The following CREB5 variants were observed in gnomAD, a reference collection of about 807,000 sequenced individuals.
The protein encoded by CREB5 is cAMP responsive element binding protein 5, also known as cyclic AMP-responsive element-binding protein 5.
Under a neutral mutation model 57.1 loss-of-function variants are expected in CREB5, and 19 were observed. That is an observed-to-expected ratio of 0.33 (90% confidence interval 0.23 to 0.49). CREB5 has a LOEUF of 0.49. CREB5 is among the 20% of genes least tolerant of loss of function. CREB5 has a pLI of 0.99. For missense variants in CREB5, 579 were observed against 671.6 expected, an observed-to-expected ratio of 0.86 and a Z score of 1.52; for synonymous variants, 238 against 238.3, an observed-to-expected ratio of 1.00 and a Z score of 0.01.
rs912345566 is a variant in CREB5 at position 28,700,317 on chromosome 7, G to A, written c.465-18436G>A. ...GGAACAATTCATATGTCTCCTCTTC[G>A]AGGACCATCCCCTGGAACCCCCGGG... On this transcript the variant is annotated intron_variant, in intron 5 of 10. Coordinates refer to ENST00000357727, the MANE Select transcript of CREB5 (RefSeq NM_182898.4). 7.9e-5 allele frequency among the ~76,000 whole-genome samples: 12 copies of A among 152,090 alleles called. No individual in the cohort carries two copies. The South Asian group carries it at 1.5e-3, about 18-fold the overall frequency.
At chr7:28,500,969 G>A (rs141118190) in intron 3 of CREB5, among the ~76,000 whole-genome samples, 9 of 152,210 alleles carry the variant, frequency 5.9e-5, no homozygotes, top group African/African-American at 1.9e-4. Context: ...GCACCAGAGG[G>A]CAGCATGGTA....
intron 4 of CREB5, among the ~76,000 whole-genome samples, chr7:28,551,983 CTCT>C: frequency 1.0e-5 from 1 of 97,578 alleles, no homozygotes; most frequent in Non-Finnish European, 1.9e-5. Context: ...CTTTCTCTCT[CTCT>C]TTCTCTCTTT....
rs887980342 is a variant in CREB5, at chr7:28,430,311, T to A, written c.3+17394T>A. 6.6e-5 allele frequency among the ~76,000 whole-genome samples: 10 copies of A among 152,184 alleles called. 1 individual carries two copies. The highest frequency in any genetic ancestry group is 1.3e-4 in the Non-Finnish European group (9 of 68,036). ...TGTGTATCAAGCTGAGCATTTACAG[T>A]GCTAAGCGTGGAGCCAGGCACTGGG... On this transcript the variant is annotated intron_variant, in intron 1 of 10. Transcript: ENST00000357727.
chr7:28,546,186 G>A (rs1183521717), intron 4 of CREB5, among the ~76,000 whole-genome samples: 2 of 152,176 alleles, frequency 1.3e-5, no homozygotes, highest in Non-Finnish European at 2.9e-5. Flanking sequence ...GCATAATGTT[G>A]TCAAGGTTCA....
At chr7:28,593,073 G>A (rs1367898948) in intron 5 of CREB5, among the ~76,000 whole-genome samples, 1 of 152,174 alleles carries the variant, frequency 6.6e-6, no homozygotes, top group Non-Finnish European at 1.5e-5. Context: ...TGCAGATAAT[G>A]AGGGCACATG....
At chr7:28,528,559 C>T (rs1171290049) in intron 4 of CREB5, among the ~76,000 whole-genome samples, 1 of 151,934 alleles carries the variant, frequency 6.6e-6, no homozygotes, top group African/African-American at 2.4e-5. Context: ...ACAAAATTAG[C>T]CAAGTGTGGT....
chr7:28,819,305 A>G lies in CREB5; in HGVS notation c.*26A>G. The G allele has an allele frequency of 1.2e-6, 2 of 1,608,326 alleles. No homozygotes were observed. The highest frequency in any genetic ancestry group is 1.7e-6 in the Non-Finnish European group (2 of 1,177,170). ...AATGCACCATCAGACCTGGCCTCCA[A>G]GAAGAGCTGTAGCGTACCATGCGTC... On this transcript the variant is annotated 3_prime_UTR_variant, in exon 11 of 11. Transcript: ENST00000357727.
At chr7:28,494,339 G>C (rs887511510) in intron 2 of CREB5, among the ~76,000 whole-genome samples, 2 of 152,114 alleles carry the variant, frequency 1.3e-5, no homozygotes, top group Non-Finnish European at 2.9e-5. Flanking sequence ...TTTGTAAAAT[G>C]CTGCCTACTT....
intron 1 of CREB5, among the ~76,000 whole-genome samples, chr7:28,413,364 A>G (rs1787888607): frequency 6.6e-6 from 1 of 152,154 alleles, no homozygotes. Context: ...TATGCCCCTG[A>G]AGGATGATTC....
chr7:28,609,784 A>C (rs1423004811), intron 5 of CREB5, among the ~76,000 whole-genome samples: 4 of 152,156 alleles, frequency 2.6e-5, no homozygotes, highest in African/African-American at 9.7e-5. Context: ...TGTTGAGCAC[A>C]CTCGCCTGTG....
intron 7 of CREB5, among the ~76,000 whole-genome samples, chr7:28,776,372 G>A (rs1434236619): frequency 2.0e-5 from 3 of 151,102 alleles, no homozygotes; most frequent in East Asian, 1.9e-4. Flanking sequence ...AAAGTTAAGC[G>A]TGCTATTTTA....
chr7:28,570,395 G>T lies in CREB5; in HGVS notation c.322G>T (p.Ala108Ser), dbSNP rs1412415685. 1 of 1,613,942 alleles carries T rather than the reference G, an allele frequency of 6.2e-7. No individual in the cohort carries two copies. Among genetic ancestry groups the T allele is most frequent in the Admixed American group, 1.7e-5 (1 of 60,002 alleles). Reference protein sequence around the residue: ...NISMHNAVGGAMTGPGTHQLS... With the variant: ...NISMHNAVGGSMTGPGTHQLS... ...CTCGATGCATAATGCAGTTGGTGGGGCCATGACGGGGCCCGGAACTCACCA... is the reference window on the plus strand; with the variant it reads ...CTCGATGCATAATGCAGTTGGTGGGTCCATGACGGGGCCCGGAACTCACCA... Residue 108 changes from alanine to serine, a missense_variant, in exon 5 of 11, where the codon GCC (alanine) becomes TCC (serine). Ala to Ser is a moderately conservative substitution (Grantham distance 99, BLOSUM62 1). This residue lies in a region of CREB5 where 459 missense variants were observed against 515.7 expected (regional missense o/e 0.89). Coordinates refer to ENST00000357727, the MANE Select transcript of CREB5 (RefSeq NM_182898.4).
intron 5 of CREB5, among the ~76,000 whole-genome samples, chr7:28,703,703 C>T (rs1176558934): frequency 2.0e-5 from 3 of 152,148 alleles, no homozygotes; most frequent in African/African-American, 7.2e-5. Flanking sequence ...CTCAACCTTC[C>T]TCCACCTTTT....
chr7:28,346,998 A>G (rs1194687031), intron 1 of CREB5, among the ~76,000 whole-genome samples: 1 of 152,172 alleles, frequency 6.6e-6, no homozygotes, highest in Non-Finnish European at 1.5e-5. Flanking sequence ...GTGGAAAAGA[A>G]AGAATGGGAG....
intron 5 of CREB5, among the ~76,000 whole-genome samples, chr7:28,650,450 A>G (rs947720821): frequency 6.6e-6 from 1 of 152,148 alleles, no homozygotes. Flanking sequence ...CCATTTACAC[A>G]TCATTTAGCT....
At chr7:28,733,424 G>C (rs889006095) in intron 7 of CREB5, among the ~76,000 whole-genome samples, 2 of 152,044 alleles carry the variant, frequency 1.3e-5, no homozygotes, top group Admixed American at 1.3e-4. Flanking sequence ...CTCGCTCCAG[G>C]ACCCCCTCTC....
intron 1 of CREB5, among the ~76,000 whole-genome samples, chr7:28,459,423 CGTT>C (rs1790255927): frequency 1.3e-5 from 2 of 152,118 alleles, no homozygotes; most frequent in Admixed American, 1.3e-4. Context: ...AAGTGAGGCT[CGTT>C]GTCAGATTAG....
chr7:28,542,902 C>T (rs1309573637), intron 4 of CREB5, among the ~76,000 whole-genome samples: 1 of 152,142 alleles, frequency 6.6e-6, no homozygotes, highest in Non-Finnish European at 1.5e-5. Flanking sequence ...TCTGGCTGTT[C>T]CCGTTCCACA....
chr7:28,797,673 G>C (rs1413395402), intron 7 of CREB5, among the ~76,000 whole-genome samples: 3 of 152,340 alleles, frequency 2.0e-5, no homozygotes, highest in East Asian at 1.9e-4. Context: ...GCACGGAACT[G>C]TTGTTTTTCT....
Sources: allele counts gnomAD v4.1 joint callset (sites outside exome capture counted in the v4.1 genomes callset), GRCh38; gene constraint gnomAD v4.1.1; regional missense constraint gnomAD v4.1.1; transcripts MANE v1.5; gene names NCBI Gene and HGNC (gene_info 2026-07-23, HGNC 2026-07-21).